TSPAN9: variants seen among roughly 807,000 people sequenced by gnomAD.
The protein encoded by TSPAN9 is tetraspanin-9.
TSPAN9 carries 16 observed loss-of-function variants against 31.0 expected under a neutral mutation model. The observed-to-expected ratio is 0.52, with a 90% confidence interval of 0.35 to 0.78. The LOEUF is 0.78. TSPAN9 is among the 30% of genes least tolerant of loss of function. The pLI is 0.01. For synonymous variants in TSPAN9, 145 were observed against 121.6 expected (o/e 1.19, Z -1.27); for missense variants, 272 against 312.5 (o/e 0.87, Z 0.98).
At chr12:3,222,318 A>G (rs1397497281) in intron 3 of TSPAN9, among the ~76,000 whole-genome samples, 1 of 152,186 alleles carries the variant, frequency 6.6e-6, no homozygotes, top group Non-Finnish European at 1.5e-5. Flanking sequence ...TCTTGGGTCC[A>G]TAACTTGTAC....
intron 2 of TSPAN9, among the ~76,000 whole-genome samples, chr12:3,098,452 GC>G (rs1011884291): frequency 6.6e-6 from 1 of 152,134 alleles, no homozygotes; most frequent in Non-Finnish European, 1.5e-5. Context: ...TGCCAAATTT[GC>G]CTTTAGGTTC....
chr12:3,190,810 G>A (rs2098363977), intron 2 of TSPAN9, among the ~76,000 whole-genome samples: 1 of 152,200 alleles, frequency 6.6e-6, no homozygotes. Flanking sequence ...TCACCTTAAG[G>A]TGCACACAAA....
intron 2 of TSPAN9, among the ~76,000 whole-genome samples, chr12:3,086,221 G>A (rs1368935663): frequency 2.6e-5 from 4 of 152,282 alleles, no homozygotes; most frequent in African/African-American, 9.6e-5. Flanking sequence ...GAACCAGGAG[G>A]GTGCTCTTCA....
rs1428846034 is a variant in TSPAN9, at chr12:3,192,551, A to AGGAGCGGATAGTGCCAGG, written c.-17-8624_-17-8607dup. Among the ~76,000 whole-genome samples the AGGAGCGGATAGTGCCAGG allele has an allele frequency of 1.3e-5, 2 of 152,116 alleles. No homozygotes were observed. Among genetic ancestry groups the AGGAGCGGATAGTGCCAGG allele is most frequent in the East Asian group, 3.9e-4 (2 of 5,176 alleles). On this transcript the variant is annotated intron_variant, in intron 2 of 8. Coordinates refer to ENST00000011898, the MANE Select transcript of TSPAN9 (RefSeq NM_006675.5). The surrounding 1 kb of genome is among the most constrained non-coding windows in gnomAD (Gnocchi z 4.6). ...TGAAAACTTAAGCCATTTGTTGAGA[A>AGGAGCGGATAGTGCCAGG]GGAGCGGATAGTGCCAGGGAGCACA...
At position 3,187,046 on chromosome 12, in the gene TSPAN9, G is replaced by A. The variant is rs147144670; in HGVS notation, c.-17-14131G>A. ...ATGGCATTGGCAAGCGCTCTGAATCGGGGCTTTTCCCCTGTAGAGCTGATT... is the reference window on the plus strand; with the variant it reads ...ATGGCATTGGCAAGCGCTCTGAATCAGGGCTTTTCCCCTGTAGAGCTGATT... On this transcript the variant is annotated intron_variant, in intron 2 of 8. Coordinates refer to ENST00000011898, the MANE Select transcript of TSPAN9 (RefSeq NM_006675.5). The surrounding 1 kb of genome is among the most constrained non-coding windows in gnomAD (Gnocchi z 5.2). Among the ~76,000 whole-genome samples, 9 of 152,284 alleles carry A rather than the reference G, an allele frequency of 5.9e-5. No individual in the cohort carries two copies. In the East Asian group the frequency reaches 1.2e-3, roughly 20 times the overall value.
chr12:3,199,043 A>G (rs1040376821), intron 2 of TSPAN9, among the ~76,000 whole-genome samples: 2 of 152,196 alleles, frequency 1.3e-5, no homozygotes, highest in Non-Finnish European at 2.9e-5. Flanking sequence ...TGTCTTCCTA[A>G]CTGGATTGTG....
intron 3 of TSPAN9, among the ~76,000 whole-genome samples, chr12:3,215,956 C>T (rs561676928): frequency 1.7e-3 from 263 of 152,284 alleles, no homozygotes; most frequent in African/African-American, 5.6e-3. Flanking sequence ...TGGGGACTTA[C>T]GGGGATGAGC....
chr12:3,124,137 G>A (rs570882403), intron 2 of TSPAN9, among the ~76,000 whole-genome samples: 10 of 152,278 alleles, frequency 6.6e-5, no homozygotes, highest in Middle Eastern at 6.8e-3. Context: ...AATTCCTGGC[G>A]CACAGAACGG....
intron 3 of TSPAN9, among the ~76,000 whole-genome samples, chr12:3,209,811 T>G (rs1591678740): frequency 6.7e-6 from 1 of 150,214 alleles, no homozygotes; most frequent in East Asian, 2.0e-4. Context: ...TACAAAAAAT[T>G]AGCCGGGCGC....
At chr12:3,206,667 G>T (rs1039635991) in intron 3 of TSPAN9, among the ~76,000 whole-genome samples, 3 of 152,004 alleles carry the variant, frequency 2.0e-5, no homozygotes, top group African/African-American at 7.3e-5. Flanking sequence ...CACTGAAAAG[G>T]CTGGCAGATG....
intron 3 of TSPAN9, among the ~76,000 whole-genome samples, chr12:3,275,962 G>A (rs1195848189): frequency 6.6e-6 from 1 of 152,212 alleles, no homozygotes; most frequent in Non-Finnish European, 1.5e-5. Context: ...GCCCAGCAAG[G>A]CCTGTCAATG....
At chr12:3,212,054 C>T in intron 3 of TSPAN9, 3 of 589,108 alleles carry the variant, frequency 5.1e-6, no homozygotes, top group Non-Finnish European at 8.9e-6. Flanking sequence ...TCATCGGAAC[C>T]TCTGCCTCCC....
At chr12:3,246,963 A>G (rs974980330) in intron 3 of TSPAN9, among the ~76,000 whole-genome samples, 9 of 152,144 alleles carry the variant, frequency 5.9e-5, no homozygotes, top group Admixed American at 1.3e-4. Context: ...ATTTTCTGCA[A>G]TGTGCTTTTG....
intron 3 of TSPAN9, among the ~76,000 whole-genome samples, chr12:3,223,591 C>T (rs1281661429): frequency 3.3e-5 from 5 of 152,284 alleles, no homozygotes; most frequent in African/African-American, 1.2e-4. Context: ...GTGTGTCTAC[C>T]TTGTTTTAGA....
At position 3,136,665 on chromosome 12, in the gene TSPAN9, A is replaced by G. The variant is rs540376914; in HGVS notation, c.-18+52946A>G. ...GGTCAGGGCAACTGTCAGAAAATCTATTCTGTTCCCAAACCCTCTGTAAGA... is the reference window on the plus strand; with the variant it reads ...GGTCAGGGCAACTGTCAGAAAATCTGTTCTGTTCCCAAACCCTCTGTAAGA... On this transcript the variant is annotated intron_variant, in intron 2 of 8. Transcript: ENST00000011898. Among the ~76,000 whole-genome samples, 4 of 152,280 alleles carry G rather than the reference A, an allele frequency of 2.6e-5. No individual in the cohort carries two copies. The East Asian group carries it at 7.7e-4, about 29-fold the overall frequency.
intron 2 of TSPAN9, among the ~76,000 whole-genome samples, chr12:3,183,812 G>A (rs532890521): frequency 7.9e-5 from 12 of 152,288 alleles, no homozygotes; most frequent in South Asian, 4.1e-4. Context: ...CAGTCTACTC[G>A]GTGATTGGCC....
chr12:3,077,872 G>C (rs2098295896), intron 1 of TSPAN9, among the ~76,000 whole-genome samples: 2 of 152,182 alleles, frequency 1.3e-5, no homozygotes, highest in African/African-American at 4.8e-5. Flanking sequence ...GATATGGCCT[G>C]CAGCCCCCCG....
intron 2 of TSPAN9, among the ~76,000 whole-genome samples, chr12:3,179,458 C>T (rs977743320): frequency 6.6e-6 from 1 of 152,152 alleles, no homozygotes; most frequent in African/African-American, 2.4e-5. Context: ...CCACTGTCCC[C>T]CTGCTTGGAG....
intron 2 of TSPAN9, among the ~76,000 whole-genome samples, chr12:3,119,598 G>A (rs7484409): frequency 0.81 from 122,633 of 152,096 alleles, 49,609 homozygotes; most frequent in Admixed American, 0.87. Flanking sequence ...CCTGCCCGGA[G>A]GGCTGTGTGC....
Sources: gnomAD v4.1 joint callset for allele counts (sites outside exome capture counted in the v4.1 genomes callset) on GRCh38, gnomAD v4.1.1 for gene constraint, Gnocchi (gnomAD v3.1) non-coding constraint, MANE v1.5 for transcripts, NCBI Gene and HGNC (gene_info 2026-07-23, HGNC 2026-07-21) for gene names.